The following CNTFR variants were observed in gnomAD, a reference collection of about 807,000 sequenced individuals.
The protein encoded by CNTFR is ciliary neurotrophic factor receptor.
A neutral mutation model predicts 40.4 loss-of-function variants in CNTFR; 12 were observed. The observed-to-expected ratio is 0.30, with a 90% CI of 0.19 to 0.48. CNTFR has a LOEUF of 0.48. Among genes scored for constraint, CNTFR ranks in the 20% least tolerant of loss-of-function variants. The pLI is 0.99. For synonymous variants in CNTFR, 202 were observed against 209.6 expected (o/e 0.96, Z 0.31); for missense variants, 414 against 506.8 (o/e 0.82, Z 1.76).
chr9:34,557,859 C>T lies in CNTFR; in HGVS notation c.437+8G>A, dbSNP rs1044023712. ...GGCTGGACCCGGGTCACAGGCGCAG[C>T]TACTCACAGCACAGTCACATTGAAG... On this transcript the variant is annotated splice_region_variant and intron_variant, in intron 5 of 9. Transcript: ENST00000378980. The surrounding 1 kb of genome is among the most constrained non-coding windows in gnomAD (Gnocchi z 4.2). The T allele has an allele frequency of 1.9e-5, 29 of 1,558,596 alleles. No homozygotes were observed. The highest frequency in any genetic ancestry group is 1.5e-4 in the Admixed American group (8 of 54,852).
rs74529361 is a variant in CNTFR at position 34,589,141 on chromosome 9, G to A, written c.-112+414C>T. Among the ~76,000 whole-genome samples the A allele has an allele frequency of 0.016, 2,370 of 152,060 alleles. 67 individuals carry two copies. The highest frequency in any genetic ancestry group is 0.084 in the East Asian group (428 of 5,112). On this transcript the variant is annotated intron_variant, in intron 1 of 9. Transcript: ENST00000378980. This position sits in a 1 kb window ranked among gnomAD's most constrained non-coding sequence, Gnocchi z 4.4. ...CGCGCAACCGTCGGTTCGCATCCCC[G>A]GGCGCTTTGAAGTCCAGATTTCTGC...
intron 2 of CNTFR, among the ~76,000 whole-genome samples, chr9:34,578,955 C>T (rs1187801083): frequency 2.6e-5 from 4 of 152,218 alleles, no homozygotes; most frequent in Non-Finnish European, 5.9e-5. Context: ...CAGGGCCAGA[C>T]TCCTAGGGTC....
intron 3 of CNTFR, among the ~76,000 whole-genome samples, chr9:34,566,917 C>T (rs931320116): frequency 6.6e-6 from 1 of 152,110 alleles, no homozygotes; most frequent in Non-Finnish European, 1.5e-5. Flanking sequence ...GATGTAAAGG[C>T]AGGGCAGAAC....
At position 34,552,598 on chromosome 9, in the gene CNTFR, G is replaced by A. The variant is rs1319505879; in HGVS notation, c.949+76C>T. The A allele has an allele frequency of 3.4e-6, 5 of 1,476,980 alleles. No individual in the cohort carries two copies. Among genetic ancestry groups the A allele is most frequent in the Non-Finnish European group, 4.6e-6 (5 of 1,095,694 alleles). 91.5% of individuals were successfully genotyped at this position (1,476,980 alleles called of 1,614,324 possible). Reference sequence around the variant, plus strand: ...GGGAGCAGAGGCTGGAGGCAGCAGGGTAGAACCAGGCCACAGGTTCTACCA... The same window carrying A: ...GGGAGCAGAGGCTGGAGGCAGCAGGATAGAACCAGGCCACAGGTTCTACCA... On this transcript the variant is annotated intron_variant, in intron 8 of 9. Coordinates refer to ENST00000378980, the MANE Select transcript of CNTFR (RefSeq NM_147164.3). This position sits in a 1 kb window ranked among gnomAD's most constrained non-coding sequence, Gnocchi z 5.1.
chr9:34,578,540 G>T (rs540487991), intron 2 of CNTFR, among the ~76,000 whole-genome samples: 24 of 152,318 alleles, frequency 1.6e-4, no homozygotes, highest in Admixed American at 3.3e-4. Context: ...GCTGCCTGGG[G>T]CTATCAGCAA....
At chr9:34,574,646 C>T (rs890867914) in intron 2 of CNTFR, among the ~76,000 whole-genome samples, 1 of 152,242 alleles carries the variant, frequency 6.6e-6, no homozygotes, top group African/African-American at 2.4e-5. Context: ...GAAAAGGAGG[C>T]GGCCCAATTG....
At chr9:34,580,101 T>A (rs932421572) in intron 2 of CNTFR, 1 of 152,242 alleles carries the variant, frequency 6.6e-6, no homozygotes, top group Admixed American at 6.5e-5. Context: ...CTTCTCCAGC[T>A]CCTGTCCCGG....
rs374373878 is a variant in CNTFR, at chr9:34,557,858, G to A, written c.437+9C>T. ...GGGCTGGACCCGGGTCACAGGCGCA[G>A]CTACTCACAGCACAGTCACATTGAA... On this transcript the variant is annotated intron_variant, in intron 5 of 9. Coordinates refer to ENST00000378980, the MANE Select transcript of CNTFR (RefSeq NM_147164.3). This position sits in a 1 kb window ranked among gnomAD's most constrained non-coding sequence, Gnocchi z 4.2. The A allele has an allele frequency of 1.3e-6, 2 of 1,558,360 alleles. No individual in the cohort carries two copies. The highest frequency in any genetic ancestry group is 1.7e-6 in the Non-Finnish European group (2 of 1,149,550).
intron 1 of CNTFR, among the ~76,000 whole-genome samples, chr9:34,583,132 C>T (rs1204516302): frequency 6.6e-6 from 1 of 152,158 alleles, no homozygotes; most frequent in Non-Finnish European, 1.5e-5. Flanking sequence ...CCCATAAACC[C>T]TATGGTCCCC....
intron 2 of CNTFR, among the ~76,000 whole-genome samples, chr9:34,574,998 G>A (rs1826883818): frequency 6.6e-6 from 1 of 152,198 alleles, no homozygotes; most frequent in African/African-American, 2.4e-5. Flanking sequence ...GGTGACCTGG[G>A]CATGGGCTTG....
chr9:34,563,335 A>G (rs1826148665), intron 4 of CNTFR, among the ~76,000 whole-genome samples: 1 of 152,140 alleles, frequency 6.6e-6, no homozygotes, highest in African/African-American at 2.4e-5. Context: ...CTCCCACCCC[A>G]GGTGAATCTC....
At chr9:34,565,687 G>A (rs1020869585) in intron 3 of CNTFR, among the ~76,000 whole-genome samples, 3 of 152,272 alleles carry the variant, frequency 2.0e-5, no homozygotes, top group South Asian at 2.1e-4. Flanking sequence ...CAACCCAGGC[G>A]TGATGGACAG....
intron 1 of CNTFR, among the ~76,000 whole-genome samples, chr9:34,586,503 C>G (rs1462803273): frequency 6.6e-6 from 1 of 152,154 alleles, no homozygotes; most frequent in Non-Finnish European, 1.5e-5. Context: ...CACACCCCTC[C>G]CATCCTAAGA....
In CNTFR at chr9:34,551,941, C is replaced by G. The variant is rs896141137; in HGVS notation, c.*130G>C. On this transcript the variant is annotated 3_prime_UTR_variant, in exon 10 of 10. Transcript: ENST00000378980. ...AGGCCCGGGCCCGCCGGGGTCTCCA[C>G]AAATTGTGTCTGAAGAGAATGCAAA... 3 of 734,820 alleles carry G rather than the reference C, an allele frequency of 4.1e-6. No individual in the cohort carries two copies. Among genetic ancestry groups the G allele is most frequent in the Admixed American group, 4.0e-5 (2 of 49,982 alleles). 45.5% of individuals were successfully genotyped at this position (734,820 alleles called of 1,614,324 possible).
intron 2 of CNTFR, among the ~76,000 whole-genome samples, chr9:34,575,014 G>A (rs1254445421): frequency 6.6e-6 from 1 of 152,214 alleles, no homozygotes; most frequent in African/African-American, 2.4e-5. Context: ...GCTTGTATAT[G>A]CACATACATG....
In CNTFR at chr9:34,577,383, G is replaced by A. The variant is rs149075885; in HGVS notation, c.-1+3712C>T. Among the ~76,000 whole-genome samples the A allele has an allele frequency of 5.2e-3, 799 of 152,324 alleles. 7 individuals are homozygous for A. The highest frequency in any genetic ancestry group is 0.018 in the African/African-American group (746 of 41,564). On this transcript the variant is annotated intron_variant, in intron 2 of 9. Transcript: ENST00000378980. ...AAAGCCAGGTGATAGGGACTTCGGGGAAGGGGGCAGTGGGGACAAAAGAAA... is the reference window on the plus strand; with the variant it reads ...AAAGCCAGGTGATAGGGACTTCGGGAAAGGGGGCAGTGGGGACAAAAGAAA...
intron 1 of CNTFR, among the ~76,000 whole-genome samples, chr9:34,583,577 TG>T (rs1827414930): frequency 6.6e-6 from 1 of 152,156 alleles, no homozygotes; most frequent in African/African-American, 2.4e-5. Context: ...TGCCAATTCC[TG>T]AGCACCCCCC....
chr9:34,560,037 G>A (rs1826007004), intron 4 of CNTFR, among the ~76,000 whole-genome samples: 2 of 152,272 alleles, frequency 1.3e-5, no homozygotes, highest in African/African-American at 2.4e-5. Context: ...GGCTACTCCT[G>A]CCTGGCCCTG....
chr9:34,586,136 G>A (rs560982672), intron 1 of CNTFR, among the ~76,000 whole-genome samples: 49 of 152,304 alleles, frequency 3.2e-4, no homozygotes, highest in South Asian at 2.9e-3. Context: ...GTTCATAGCA[G>A]CAGAGCACGC....
Sources: allele counts gnomAD v4.1 joint callset (sites outside exome capture counted in the v4.1 genomes callset), GRCh38; gene constraint gnomAD v4.1.1; non-coding constraint Gnocchi (gnomAD v3.1); transcripts MANE v1.5; gene names NCBI Gene and HGNC (gene_info 2026-07-23, HGNC 2026-07-21).